Variants in CCDC102B observed in about 807,000 individuals in gnomAD.
CCDC102B encodes the protein coiled-coil domain containing 102B, also known as coiled-coil domain-containing protein 102B.
A neutral mutation model predicts 57.4 loss-of-function variants in CCDC102B; 75 were observed. The observed-to-expected ratio is 1.31, with a 90% CI of 1.08 to 1.58. The LOEUF (loss-of-function observed/expected upper bound fraction) is 1.58, where lower values mean the gene tolerates loss of function less well. Ranked by LOEUF, CCDC102B falls within the 40% of genes most tolerant of loss-of-function variation. The pLI, the probability that CCDC102B is intolerant of heterozygous loss-of-function variation, is 0.00. For synonymous variants in CCDC102B, 206 were observed against 201.9 expected (o/e 1.02, Z -0.17); for missense variants, 636 against 582.6 (o/e 1.09, Z -0.94).
chr18:68,790,491 G>T (rs954043162), intron 2 of CCDC102B, among the ~76,000 whole-genome samples: 1 of 152,126 alleles, frequency 6.6e-6, no homozygotes, highest in Non-Finnish European at 1.5e-5. Flanking sequence ...GACTCCGAGG[G>T]CGTAGGACCC....
rs1336776002 is a variant in CCDC102B, at chr18:69,010,962, A to G, written c.1292A>G (p.Tyr431Cys). 7 of 1,608,642 alleles carry G rather than the reference A, an allele frequency of 4.4e-6. No homozygotes were observed. Among genetic ancestry groups the G allele is most frequent in the Non-Finnish European group, 4.2e-6 (5 of 1,176,944 alleles). ...TTACTGAACCTTCAACATGCCTACT[A>G]TAAACTAAACAGACAATACCAGGCA... ...QELLNLQHAY[Y>C]KLNRQYQANI... The change falls in exon 7 of 8, where the codon TAT (tyrosine) becomes TGT (cysteine). Residue 431 changes from tyrosine to cysteine, a missense_variant. By Grantham distance (194) the Tyr-to-Cys change is radical (BLOSUM62 -2). Coordinates refer to ENST00000360242, the MANE Select transcript of CCDC102B (RefSeq NM_024781.3).
At chr18:68,725,080 G>A (rs907284622) in intron 2 of CCDC102B, among the ~76,000 whole-genome samples, 1 of 152,178 alleles carries the variant, frequency 6.6e-6, no homozygotes. Flanking sequence ...GAAGAGGGAA[G>A]CCCCTTATAC....
chr18:69,048,631 T>C (rs2052623791), intron 7 of CCDC102B, among the ~76,000 whole-genome samples: 1 of 152,110 alleles, frequency 6.6e-6, no homozygotes, highest in South Asian at 2.1e-4. Flanking sequence ...CATTATGATA[T>C]TATTAACAAA....
chr18:68,834,947 G>A (rs1007177416), intron 1 of CCDC102B, among the ~76,000 whole-genome samples: 9 of 151,916 alleles, frequency 5.9e-5, no homozygotes, highest in Non-Finnish European at 1.0e-4. Context: ...AAAAAAGTGA[G>A]AGGATTTAAT....
intron 6 of CCDC102B, among the ~76,000 whole-genome samples, chr18:68,986,779 T>C (rs928042401): frequency 6.6e-6 from 1 of 151,960 alleles, no homozygotes; most frequent in African/African-American, 2.4e-5. Context: ...TCTATACACA[T>C]TCAAGCTGAC....
intron 2 of CCDC102B, among the ~76,000 whole-genome samples, chr18:68,741,210 C>G (rs992793925): frequency 6.6e-6 from 1 of 152,172 alleles, no homozygotes; most frequent in African/African-American, 2.4e-5. Context: ...TTTGCAGTTG[C>G]TGTCAAGGCA....
At chr18:69,040,844 A>G (rs1316852866) in intron 7 of CCDC102B, among the ~76,000 whole-genome samples, 6 of 152,092 alleles carry the variant, frequency 3.9e-5, no homozygotes, top group Non-Finnish European at 8.8e-5. Flanking sequence ...AATAAATGTT[A>G]TCAATATCAG....
intron 7 of CCDC102B, among the ~76,000 whole-genome samples, chr18:69,043,699 T>C (rs1018748704): frequency 2.0e-5 from 3 of 152,092 alleles, no homozygotes; most frequent in Admixed American, 6.6e-5. Context: ...GGTAAGGTCA[T>C]AGATTAACAG....
At chr18:68,899,337 A>C (rs765173823) in intron 6 of CCDC102B, among the ~76,000 whole-genome samples, 1 of 152,096 alleles carries the variant, frequency 6.6e-6, no homozygotes, top group Non-Finnish European at 1.5e-5. Context: ...AGATTTTATC[A>C]TAACACAAAA....
chr18:68,853,807 C>T (rs900049210), intron 4 of CCDC102B, among the ~76,000 whole-genome samples: 2 of 151,588 alleles, frequency 1.3e-5, no homozygotes, highest in African/African-American at 4.8e-5. Context: ...ACCCAGTGCA[C>T]ACATTGTGCT....
chr18:68,788,065 T>C (rs2035278920), intron 2 of CCDC102B, among the ~76,000 whole-genome samples: 1 of 151,594 alleles, frequency 6.6e-6, no homozygotes. Flanking sequence ...CATCTTTATT[T>C]CTGCCTTCAT....
intron 2 of CCDC102B, among the ~76,000 whole-genome samples, chr18:68,723,522 A>G (rs2032454399): frequency 6.6e-6 from 1 of 152,242 alleles, no homozygotes. Context: ...CAAGGATTGG[A>G]TAAATACAAC....
chr18:68,891,138 A>G (rs2040063955), intron 5 of CCDC102B, among the ~76,000 whole-genome samples: 1 of 152,174 alleles, frequency 6.6e-6, no homozygotes, highest in Admixed American at 6.6e-5. Flanking sequence ...TTATTTTAAA[A>G]TATATATAAC....
rs182116223 is a variant in CCDC102B at position 68,877,910 on chromosome 18, C to T, written c.1053+3125C>T. Among the ~76,000 whole-genome samples, 16 of 152,030 alleles carry T rather than the reference C, an allele frequency of 1.1e-4. 1 individual carries two copies. The highest frequency in any genetic ancestry group is 3.4e-3 in the Middle Eastern group (1 of 294). ...CTTCATTCTGCAATAGTGCGTGGCT[C>T]GTAATCACTCAACAAATGGCCATTA... On this transcript the variant is annotated intron_variant, in intron 5 of 7. Coordinates refer to ENST00000360242, the MANE Select transcript of CCDC102B (RefSeq NM_024781.3).
intron 7 of CCDC102B, among the ~76,000 whole-genome samples, chr18:69,043,626 C>T (rs923619099): frequency 1.3e-5 from 2 of 152,022 alleles, no homozygotes; most frequent in East Asian, 1.9e-4. Context: ...CATCTTGCAC[C>T]GCCCTTAATC....
At chr18:68,751,667 T>A (rs767561982) in intron 2 of CCDC102B, among the ~76,000 whole-genome samples, 1 of 152,148 alleles carries the variant, frequency 6.6e-6, no homozygotes, top group South Asian at 2.1e-4. Context: ...GAAAATAAGA[T>A]TAATTTGGAG....
intron 6 of CCDC102B, among the ~76,000 whole-genome samples, chr18:68,929,836 A>G (rs1450414871): frequency 6.6e-6 from 1 of 151,690 alleles, no homozygotes; most frequent in East Asian, 1.9e-4. Context: ...TAATACACAC[A>G]CACACACATA....
chr18:68,738,106 T>TA (rs2033224975), intron 2 of CCDC102B, among the ~76,000 whole-genome samples: 2 of 152,148 alleles, frequency 1.3e-5, no homozygotes, highest in Non-Finnish European at 2.9e-5. Flanking sequence ...CATGACTCCC[T>TA]GTATCTACAA....
chr18:68,732,630 A>T (rs887614651), intron 2 of CCDC102B, among the ~76,000 whole-genome samples: 23 of 152,080 alleles, frequency 1.5e-4, no homozygotes, highest in African/African-American at 5.3e-4. Flanking sequence ...TACAGGCATG[A>T]CCCACAGCGC....
Sources: gnomAD v4.1 joint callset for allele counts (sites outside exome capture counted in the v4.1 genomes callset) on GRCh38, gnomAD v4.1.1 for gene constraint, MANE v1.5 for transcripts, NCBI Gene and HGNC (gene_info 2026-07-23, HGNC 2026-07-21) for gene names.